The following CMC2 variants were observed in gnomAD, a reference collection of about 807,000 sequenced individuals.
CMC2 encodes C-X9-C motif containing 2.
CMC2 carries 5 observed loss-of-function variants against 7.5 expected under a neutral mutation model. That is an observed-to-expected ratio of 0.66 (90% CI 0.35 to 1.40). The LOEUF is 1.40. CMC2 is among the 40% of genes most tolerant of loss of function. The pLI, the probability that CMC2 is intolerant of heterozygous loss-of-function variation, is 0.04. For missense variants in CMC2, 115 were observed against 92.3 expected, an observed-to-expected ratio of 1.25 and a Z score of -1.01; for synonymous variants, 37 against 31.4, an observed-to-expected ratio of 1.18 and a Z score of -0.60.
rs1196060955 is a variant in CMC2, at chr16:80,971,102, T to A, written c.*4991A>T. The stretch of plus-strand genomic sequence containing the variant: ...GCGAGCTGAGATCATACCACTGCAC[T>A]CCAGCCTGGGTGACAGGGTGAGACT... On this transcript the variant is annotated 3_prime_UTR_variant, in exon 4 of 4. Transcript: ENST00000219400. The A allele has an allele frequency of 6.6e-6, 1 of 152,030 alleles. No homozygotes were observed. The highest frequency in any genetic ancestry group is 1.5e-5 in the Non-Finnish European group (1 of 67,996). 9.4% of individuals were successfully genotyped at this position (152,030 alleles called of 1,614,324 possible).
At chr16:80,988,160 G>T (rs1967686378) in intron 2 of CMC2, among the ~76,000 whole-genome samples, 1 of 152,128 alleles carries the variant, frequency 6.6e-6, no homozygotes, top group Non-Finnish European at 1.5e-5. Flanking sequence ...CTCGAGCCTG[G>T]GTGACAGAGT....
chr16:81,001,820 T>G (rs1968889006), intron 1 of CMC2, among the ~76,000 whole-genome samples: 1 of 150,476 alleles, frequency 6.6e-6, no homozygotes, highest in African/African-American at 2.5e-5. Context: ...AGTAGGTCCC[T>G]GTACTATTCA....
rs1911846423 is a variant in CMC2 at position 80,970,579 on chromosome 16, A to T, written c.*5514T>A. ...TATTAAACATTATACTGAATGTTCTAAGTACAATAAAATAAGGAAGTATAA... is the reference window on the plus strand; with the variant it reads ...TATTAAACATTATACTGAATGTTCTTAGTACAATAAAATAAGGAAGTATAA... On this transcript the variant is annotated 3_prime_UTR_variant, in exon 4 of 4. Transcript: ENST00000219400. The T allele has an allele frequency of 6.6e-6, 1 of 152,250 alleles. No homozygotes were observed. Among genetic ancestry groups the T allele is most frequent in the Non-Finnish European group, 1.5e-5 (1 of 68,042 alleles). 9.4% of individuals were successfully genotyped at this position (152,250 alleles called of 1,614,324 possible).
At chr16:80,995,378 A>C (rs1490086317) in intron 2 of CMC2, among the ~76,000 whole-genome samples, 1 of 151,368 alleles carries the variant, frequency 6.6e-6, no homozygotes, top group Non-Finnish European at 1.5e-5. Context: ...AATGTAGGCC[A>C]GGTGCAGTGG....
rs1311885987 is a variant in CMC2, at chr16:80,970,367, G to C, written c.*5726C>G. 6.6e-6 allele frequency: 1 copy of C among 152,182 alleles called. No homozygotes were observed. The highest frequency in any genetic ancestry group is 1.5e-5 in the Non-Finnish European group (1 of 68,038). 9.4% of individuals were successfully genotyped at this position (152,182 alleles called of 1,614,324 possible). On this transcript the variant is annotated 3_prime_UTR_variant, in exon 4 of 4. Coordinates refer to ENST00000219400, the MANE Select transcript of CMC2 (RefSeq NM_020188.5). The stretch of plus-strand genomic sequence containing the variant: ...GGAGAAAATGCAGTATTTAGCTTTT[G>C]AGTTTCACAAATATGGGAAGGCACA...
chr16:80,971,677 A>G lies in CMC2; in HGVS notation c.*4416T>C, dbSNP rs1050798469. ...GGTAGTAGTTACCACCAATAAAGAA[A>G]TAAGTGGAACGGGCTTGGGGTGACA... On this transcript the variant is annotated 3_prime_UTR_variant, in exon 4 of 4. Transcript: ENST00000219400. The G allele has an allele frequency of 4.6e-5, 7 of 150,894 alleles. No individual in the cohort carries two copies. Among genetic ancestry groups the G allele is most frequent in the Non-Finnish European group, 1.0e-4 (7 of 67,878 alleles). 9.3% of individuals were successfully genotyped at this position (150,894 alleles called of 1,614,324 possible).
chr16:80,988,599 A>C (rs905899260), intron 2 of CMC2: 1 of 64,728 alleles, frequency 1.5e-5, no homozygotes, highest in African/African-American at 5.1e-5. Flanking sequence ...CACGTTTCCT[A>C]AAAAAAACAA....
At chr16:81,004,688 G>A (rs927131541) in intron 1 of CMC2, among the ~76,000 whole-genome samples, 1 of 152,232 alleles carries the variant, frequency 6.6e-6, no homozygotes. Flanking sequence ...AGCTGGGAGG[G>A]TAGAAGCGGT....
intron 1 of CMC2, among the ~76,000 whole-genome samples, chr16:81,003,522 C>G (rs1031645343): frequency 1.3e-5 from 2 of 152,116 alleles, no homozygotes; most frequent in African/African-American, 4.8e-5. Context: ...AAACTAAGCC[C>G]CAGGTCACAC....
chr16:80,992,041 A>G (rs762901555), intron 2 of CMC2: 16 of 426,100 alleles, frequency 3.8e-5, no homozygotes, highest in African/African-American at 1.0e-4. Context: ...TCATGTATCA[A>G]TATTGGTTTA....
At chr16:80,989,350 A>T (rs1967792784) in intron 2 of CMC2, among the ~76,000 whole-genome samples, 1 of 152,144 alleles carries the variant, frequency 6.6e-6, no homozygotes, top group Admixed American at 6.5e-5. Flanking sequence ...ATCCATTTAT[A>T]TATTTATATG....
intron 3 of CMC2, chr16:80,978,509 CAAACA>C: frequency 2.0e-6 from 1 of 503,580 alleles, no homozygotes; most frequent in Non-Finnish European, 3.3e-6. Flanking sequence ...AACCCCAAAC[CAAACA>C]AAACAATTAA....
intron 2 of CMC2, among the ~76,000 whole-genome samples, chr16:80,994,752 G>A (rs1365971975): frequency 6.6e-6 from 1 of 152,172 alleles, no homozygotes; most frequent in East Asian, 1.9e-4. Flanking sequence ...AAAACAGTTT[G>A]GTGGCCTTTT....
At chr16:81,002,007 G>A (rs1439238998) in intron 1 of CMC2, among the ~76,000 whole-genome samples, 3 of 152,148 alleles carry the variant, frequency 2.0e-5, no homozygotes, top group African/African-American at 4.8e-5. Flanking sequence ...TTTTGCCTTA[G>A]AAAAATTAAG....
Position 80,972,825 on chromosome 16 carries a change from C to T in CMC2, c.*3268G>A, listed in dbSNP as rs898945300. On this transcript the variant is annotated 3_prime_UTR_variant, in exon 4 of 4. Transcript: ENST00000219400. ...TGCCCTTAGCAGGAAAGCCAGACTC[C>T]CTAAGAGGACACAGATGGTCCTTCG... 3 of 152,302 alleles carry T rather than the reference C, an allele frequency of 2.0e-5. No individual in the cohort carries two copies. In the South Asian group the frequency reaches 6.2e-4, roughly 32 times the overall value. 9.4% of individuals were successfully genotyped at this position (152,302 alleles called of 1,614,324 possible).
intron 2 of CMC2, 26 bp from the exon 3 acceptor site, chr16:80,981,903 A>G: frequency 6.8e-7 from 1 of 1,474,906 alleles, no homozygotes; most frequent in Non-Finnish European, 9.5e-7. Flanking sequence ...GGAGTAAAAT[A>G]TTTCATCCCA....
At position 80,970,846 on chromosome 16, in the gene CMC2, GA is replaced by G. The variant is rs1911864463; in HGVS notation, c.*5246del. The G allele has an allele frequency of 6.6e-6, 1 of 152,148 alleles. No homozygotes were observed. Among genetic ancestry groups the G allele is most frequent in the Non-Finnish European group, 1.5e-5 (1 of 68,030 alleles). 9.4% of individuals were successfully genotyped at this position (152,148 alleles called of 1,614,324 possible). On this transcript the variant is annotated 3_prime_UTR_variant, in exon 4 of 4. Coordinates refer to ENST00000219400, the MANE Select transcript of CMC2 (RefSeq NM_020188.5). ...TCCCTGCTTTATAAAAAAATTTTAA[GA>G]GATATTAGAATAAGTAATTTTAAAA...
intron 1 of CMC2, among the ~76,000 whole-genome samples, chr16:81,004,114 TGG>T (rs1213860874): frequency 6.6e-6 from 1 of 152,044 alleles, no homozygotes; most frequent in Non-Finnish European, 1.5e-5. Context: ...TCCAGCTACT[TGG>T]GAGGCTGAGG....
intron 2 of CMC2, among the ~76,000 whole-genome samples, chr16:80,996,768 A>T (rs546273131): frequency 6.6e-6 from 1 of 152,374 alleles, no homozygotes; most frequent in Admixed American, 6.5e-5. Flanking sequence ...TAAAAATGTC[A>T]GCTTGATTTA....
Sources: allele counts gnomAD v4.1 joint callset (sites outside exome capture counted in the v4.1 genomes callset), GRCh38; gene constraint gnomAD v4.1.1; transcripts MANE v1.5; gene names NCBI Gene and HGNC (gene_info 2026-07-23, HGNC 2026-07-21).